Variants in AKAP6 observed in about 807,000 individuals in gnomAD.
AKAP6 encodes the protein A-kinase anchoring protein 6.
AKAP6 carries 58 observed loss-of-function variants against 188.5 expected under a neutral mutation model. The ratio of observed to expected loss-of-function variants is 0.31; its 90% CI spans 0.25 to 0.38. AKAP6 has a LOEUF of 0.38. AKAP6 is among the 10% of genes least tolerant of loss of function. The pLI, the probability that AKAP6 is intolerant of heterozygous loss-of-function variation, is 1.00. For synonymous variants in AKAP6, 989 were observed against 998.6 expected (o/e 0.99, Z 0.18); for missense variants, 2,710 against 2,740.0 (o/e 0.99, Z 0.24).
intron 9 of AKAP6, among the ~76,000 whole-genome samples, chr14:32,729,379 C>A (rs2031058590): frequency 6.6e-6 from 1 of 151,958 alleles, no homozygotes; most frequent in Non-Finnish European, 1.5e-5. Flanking sequence ...ATATTTATTT[C>A]AGAAATTCCT....
rs1406480125 is a variant in AKAP6, at chr14:32,540,192, A to ATATATATT, written c.576+4388_576+4389insATATATTT. On this transcript the variant is annotated intron_variant, in intron 3 of 13. Transcript: ENST00000280979. ...TCTATATATATATATATATATATATATTTTAATTTTTTATTTTTTTTTTTG... is the reference window on the plus strand; with the variant it reads ...TCTATATATATATATATATATATATATATATATTTTTTAATTTTTTATTTTTTTTTTTG... 1.4e-3 allele frequency among the ~76,000 whole-genome samples: 171 copies of ATATATATT among 123,372 alleles called. 4 individuals carry two copies. Among genetic ancestry groups the ATATATATT allele is most frequent in the African/African-American group, 5.1e-3 (164 of 32,270 alleles). 80.9% of individuals were successfully genotyped at this position (123,372 alleles called of 152,430 possible).
chr14:32,823,160 G>A lies in AKAP6; in HGVS notation c.5347G>A (p.Asp1783Asn). ...TGACGACTCCAGTATTGCAACAGATGATGAAATTTATGAAGACTGCACCTT... is the reference window on the plus strand; with the variant it reads ...TGACGACTCCAGTATTGCAACAGATAATGAAATTTATGAAGACTGCACCTT... ...EDDDSSIATD[D>N]EIYEDCTLMS... The change falls in exon 13 of 14, where the codon GAT becomes AAT. Residue 1783 changes from aspartate to asparagine, a missense_variant. Asp to Asn is a conservative substitution (Grantham distance 23, BLOSUM62 1). Transcript: ENST00000280979. The A allele has an allele frequency of 6.2e-7, 1 of 1,613,732 alleles. No individual in the cohort carries two copies. The highest frequency in any genetic ancestry group is 8.5e-7 in the Non-Finnish European group (1 of 1,179,884).
chr14:32,644,969 C>T (rs1887925081), intron 7 of AKAP6, among the ~76,000 whole-genome samples: 1 of 152,130 alleles, frequency 6.6e-6, no homozygotes, highest in African/African-American at 2.4e-5. Flanking sequence ...ATCATTCAAA[C>T]ACTGAAGTTA....
At chr14:32,523,623 T>C (rs1300089015) in intron 2 of AKAP6, among the ~76,000 whole-genome samples, 2 of 151,758 alleles carry the variant, frequency 1.3e-5, no homozygotes, top group East Asian at 1.9e-4. Context: ...CACACATCAC[T>C]ATGTCTGGCT....
At chr14:32,343,871 C>G (rs1886978870) in intron 1 of AKAP6, among the ~76,000 whole-genome samples, 1 of 150,890 alleles carries the variant, frequency 6.6e-6, no homozygotes, top group South Asian at 2.1e-4. Flanking sequence ...CCAGTTTCTT[C>G]TTACAACCTT....
chr14:32,349,491 T>C (rs764418144), intron 1 of AKAP6, among the ~76,000 whole-genome samples: 23 of 152,146 alleles, frequency 1.5e-4, no homozygotes, highest in Non-Finnish European at 2.4e-4. Flanking sequence ...CTCAGAAATA[T>C]AGAAAGAAAT....
chr14:32,402,752 C>A (rs8015220), intron 1 of AKAP6, among the ~76,000 whole-genome samples: 15,402 of 150,648 alleles, frequency 0.1, 1,258 homozygotes, highest in South Asian at 0.22. Context: ...TTCTTTGAGA[C>A]AGAGCTTTGC....
intron 12 of AKAP6, among the ~76,000 whole-genome samples, chr14:32,776,362 C>G (rs1327751279): frequency 6.6e-6 from 1 of 152,136 alleles, no homozygotes; most frequent in Non-Finnish European, 1.5e-5. Flanking sequence ...TAAGGGGAAA[C>G]CCCTTTCACT....
chr14:32,595,270 G>T (rs1277189197), intron 5 of AKAP6, among the ~76,000 whole-genome samples: 1 of 151,990 alleles, frequency 6.6e-6, no homozygotes, highest in Admixed American at 6.6e-5. Context: ...CATGGTTCTT[G>T]GGGTCAAGTC....
intron 7 of AKAP6, among the ~76,000 whole-genome samples, chr14:32,607,516 A>T (rs533558436): frequency 1.3e-5 from 2 of 152,314 alleles, no homozygotes; most frequent in South Asian, 2.1e-4. Flanking sequence ...TTATTTATTG[A>T]GTGCTGACAG....
intron 2 of AKAP6, among the ~76,000 whole-genome samples, chr14:32,467,646 A>G (rs1490808387): frequency 2.0e-5 from 3 of 151,840 alleles, no homozygotes; most frequent in Non-Finnish European, 4.4e-5. Context: ...TTGTCTATAA[A>G]CCATGCTGTC....
intron 12 of AKAP6, among the ~76,000 whole-genome samples, chr14:32,800,949 C>G (rs1262693612): frequency 6.6e-6 from 1 of 152,014 alleles, no homozygotes; most frequent in African/African-American, 2.4e-5. Flanking sequence ...CCCAGGAGGT[C>G]CAGGCTGCAG....
intron 4 of AKAP6, among the ~76,000 whole-genome samples, chr14:32,565,390 C>T (rs750885522): frequency 1.3e-5 from 2 of 152,172 alleles, no homozygotes; most frequent in East Asian, 1.9e-4. Flanking sequence ...AGAAAGTTGG[C>T]AGTCATCCCA....
intron 11 of AKAP6, among the ~76,000 whole-genome samples, chr14:32,769,893 A>G (rs1056572007): frequency 6.6e-6 from 1 of 152,210 alleles, no homozygotes; most frequent in African/African-American, 2.4e-5. Context: ...AATGTCAAGT[A>G]TGTGTATACA....
chr14:32,687,434 C>T (rs182220300), intron 8 of AKAP6, among the ~76,000 whole-genome samples: 34 of 85,584 alleles, frequency 4.0e-4, no homozygotes, highest in Non-Finnish European at 4.8e-4. Flanking sequence ...CTCTCTCTCT[C>T]TCTCTCTTTC....
rs186318859 is a variant in AKAP6 at position 32,640,957 on chromosome 14, C to A, written c.2731-37354C>A. On this transcript the variant is annotated intron_variant, in intron 7 of 13. Coordinates refer to ENST00000280979, the MANE Select transcript of AKAP6 (RefSeq NM_004274.5). ...AGCTGCTGCCATTTCCCTTTGATGA[C>A]CTTTTGGTGATGTGTTTTCATAAAC... 1.3e-5 allele frequency among the ~76,000 whole-genome samples: 2 copies of A among 152,224 alleles called. 1 individual carries two copies. Among genetic ancestry groups the A allele is most frequent in the Admixed American group, 1.3e-4 (2 of 15,286 alleles).
chr14:32,676,641 C>G (rs543074176), intron 7 of AKAP6, among the ~76,000 whole-genome samples: 1 of 152,288 alleles, frequency 6.6e-6, no homozygotes, highest in African/African-American at 2.4e-5. Context: ...TGGGCAAGAA[C>G]AGTTCACATG....
chr14:32,579,843 A>G (rs539251607), intron 5 of AKAP6, among the ~76,000 whole-genome samples: 1 of 152,226 alleles, frequency 6.6e-6, no homozygotes, highest in South Asian at 2.1e-4. Flanking sequence ...TTAACCGTGC[A>G]TAAGTCATTA....
chr14:32,596,135 A>G lies in AKAP6; in HGVS notation c.2470-3275A>G, dbSNP rs115738763. Reference sequence around the variant, plus strand: ...TCTGTGTTCGTGATTTGATACTACTAAGATTGAACCACTCTGGACATTTAA... The same window carrying G: ...TCTGTGTTCGTGATTTGATACTACTGAGATTGAACCACTCTGGACATTTAA... On this transcript the variant is annotated intron_variant, in intron 5 of 13. Coordinates refer to ENST00000280979, the MANE Select transcript of AKAP6 (RefSeq NM_004274.5). 4.0e-3 allele frequency among the ~76,000 whole-genome samples: 602 copies of G among 152,240 alleles called. 2 individuals carry two copies. The highest frequency in any genetic ancestry group is 0.014 in the African/African-American group (584 of 41,544).
Sources: allele counts gnomAD v4.1 joint callset (sites outside exome capture counted in the v4.1 genomes callset), GRCh38; gene constraint gnomAD v4.1.1; transcripts MANE v1.5; gene names NCBI Gene and HGNC (gene_info 2026-07-23, HGNC 2026-07-21).